Variants in GRM7 observed in about 807,000 individuals in gnomAD.
GRM7 encodes the protein metabotropic glutamate receptor 7.
Under a neutral mutation model 84.5 loss-of-function variants are expected in GRM7, and 35 were observed. The observed-to-expected ratio is 0.41, with a 90% CI of 0.32 to 0.55. The LOEUF (loss-of-function observed/expected upper bound fraction) is 0.55, where lower values mean the gene tolerates loss of function less well. GRM7 is among the 20% of genes least tolerant of loss of function. The pLI is 0.19. For synonymous variants in GRM7, 487 were observed against 455.1 expected (o/e 1.07, Z -0.89); for missense variants, 1,003 against 1,194.6 (o/e 0.84, Z 2.36).
At chr3:7,111,023 G>T (rs1692831340) in intron 1 of GRM7, among the ~76,000 whole-genome samples, 1 of 152,054 alleles carries the variant, frequency 6.6e-6, no homozygotes, top group East Asian at 1.9e-4. Flanking sequence ...GGAAAGAGCT[G>T]TGTTTCAAGT....
chr3:7,167,802 A>T lies in GRM7; in HGVS notation c.736+21134A>T, dbSNP rs1039293747. On this transcript the variant is annotated intron_variant, in intron 2 of 9. Transcript: ENST00000357716. ...GGCTAACACAGTGAAACCCCGTCTCAACTAAATATACAAAAGATTAGCTAG... is the reference window on the plus strand; with the variant it reads ...GGCTAACACAGTGAAACCCCGTCTCTACTAAATATACAAAAGATTAGCTAG... Among the ~76,000 whole-genome samples the T allele has an allele frequency of 8.7e-4, 132 of 151,772 alleles. 1 individual carries two copies. The highest frequency in any genetic ancestry group is 3.1e-3 in the African/African-American group (129 of 41,408).
intron 7 of GRM7, among the ~76,000 whole-genome samples, chr3:7,541,176 A>T (rs1692865313): frequency 6.6e-6 from 1 of 152,144 alleles, no homozygotes; most frequent in East Asian, 1.9e-4. Context: ...TTCATAGTGT[A>T]CTTTTTTTTG....
At chr3:6,994,315 A>G (rs1262930238) in intron 1 of GRM7, among the ~76,000 whole-genome samples, 1 of 152,196 alleles carries the variant, frequency 6.6e-6, no homozygotes, top group Non-Finnish European at 1.5e-5. Context: ...GGGAGGTGAC[A>G]TGGGAAGGAA....
intron 8 of GRM7, among the ~76,000 whole-genome samples, chr3:7,671,897 G>C (rs1239291102): frequency 6.6e-6 from 1 of 152,024 alleles, no homozygotes; most frequent in Non-Finnish European, 1.5e-5. Flanking sequence ...GTTTATATCA[G>C]ACATTCTAGT....
rs189734256 is a variant in GRM7, at chr3:7,321,516, C to A, written c.1033+14864C>A. On this transcript the variant is annotated intron_variant, in intron 4 of 9. Transcript: ENST00000357716. ...ATCTCTCTGCTGTGTGTTTTTTTCC[C>A]TGTTCTTATACAACAAACCACAGTA... 2.6e-5 allele frequency among the ~76,000 whole-genome samples: 4 copies of A among 151,874 alleles called. No individual in the cohort carries two copies. The East Asian group carries it at 7.7e-4, about 29-fold the overall frequency.
chr3:7,117,943 T>A (rs534116938), intron 1 of GRM7, among the ~76,000 whole-genome samples: 119 of 152,312 alleles, frequency 7.8e-4, no homozygotes, highest in African/African-American at 2.7e-3. Context: ...TTTTGGTTTA[T>A]CTTTTATCAA....
chr3:6,972,865 C>T (rs1693813456), intron 1 of GRM7, among the ~76,000 whole-genome samples: 2 of 152,178 alleles, frequency 1.3e-5, no homozygotes, highest in South Asian at 4.1e-4. Flanking sequence ...ATTAGCAAAC[C>T]ACACTCTCAC....
At chr3:6,891,288 G>A (rs1190832022) in intron 1 of GRM7, among the ~76,000 whole-genome samples, 2 of 152,120 alleles carry the variant, frequency 1.3e-5, no homozygotes, top group African/African-American at 2.4e-5. Flanking sequence ...ATATTAGCTG[G>A]TTATTTTGCT....
At chr3:7,317,156 A>G (rs568013358) in intron 4 of GRM7, among the ~76,000 whole-genome samples, 19 of 152,274 alleles carry the variant, frequency 1.2e-4, no homozygotes, top group Non-Finnish European at 2.4e-4. Flanking sequence ...TTTTTTACAT[A>G]GACTTATTGC....
intron 1 of GRM7, among the ~76,000 whole-genome samples, chr3:7,086,083 T>C (rs1338214777): frequency 6.6e-6 from 1 of 152,146 alleles, no homozygotes; most frequent in African/African-American, 2.4e-5. Flanking sequence ...GTGATACTAA[T>C]ATGTCTAATG....
At chr3:7,240,182 G>A (rs1203783126) in intron 2 of GRM7, among the ~76,000 whole-genome samples, 1 of 114,418 alleles carries the variant, frequency 8.7e-6, no homozygotes, top group Non-Finnish European at 1.6e-5. Context: ...GCAATCTGAT[G>A]GAGAAAGCAG....
At chr3:7,203,669 A>C (rs574679371) in intron 2 of GRM7, among the ~76,000 whole-genome samples, 1 of 152,204 alleles carries the variant, frequency 6.6e-6, no homozygotes, top group Non-Finnish European at 1.5e-5. Flanking sequence ...AGAAATCTGC[A>C]TACTGTTTTC....
intron 1 of GRM7, among the ~76,000 whole-genome samples, chr3:7,121,508 A>G (rs977723803): frequency 1.3e-5 from 2 of 152,194 alleles, no homozygotes; most frequent in African/African-American, 4.8e-5. Context: ...CCTATGCCCC[A>G]TTCTAATGTA....
intron 4 of GRM7, among the ~76,000 whole-genome samples, chr3:7,335,078 C>T (rs529300205): frequency 1.3e-5 from 2 of 152,246 alleles, no homozygotes; most frequent in East Asian, 1.9e-4. Flanking sequence ...CAGATATTTA[C>T]AGAACATTCT....
chr3:7,653,377 A>G (rs1224660666), intron 8 of GRM7, among the ~76,000 whole-genome samples: 2 of 152,022 alleles, frequency 1.3e-5, no homozygotes, highest in African/African-American at 4.8e-5. Context: ...TATTGTGTTC[A>G]GATGTGGTCC....
intron 2 of GRM7, among the ~76,000 whole-genome samples, chr3:7,150,925 A>G (rs1694267275): frequency 6.6e-6 from 1 of 152,188 alleles, no homozygotes; most frequent in Non-Finnish European, 1.5e-5. Context: ...GACTATTTCC[A>G]GGAAAATCTC....
At chr3:7,706,166 G>C (rs1344328911) in intron 9 of GRM7, among the ~76,000 whole-genome samples, 2 of 152,122 alleles carry the variant, frequency 1.3e-5, no homozygotes. Flanking sequence ...CCTAGACATA[G>C]AAAAAACAAG....
intron 1 of GRM7, among the ~76,000 whole-genome samples, chr3:7,032,337 A>C (rs1341210390): frequency 6.6e-6 from 1 of 152,200 alleles, no homozygotes; most frequent in Non-Finnish European, 1.5e-5. Context: ...ATTTGGTTAG[A>C]TGTGAGTAGT....
chr3:7,159,724 A>C (rs1694564583), intron 2 of GRM7, among the ~76,000 whole-genome samples: 1 of 152,164 alleles, frequency 6.6e-6, no homozygotes, highest in South Asian at 2.1e-4. Context: ...CCTCTTGAAT[A>C]GTGATGCCTA....
Sources: allele counts gnomAD v4.1 joint callset (sites outside exome capture counted in the v4.1 genomes callset), GRCh38; gene constraint gnomAD v4.1.1; transcripts MANE v1.5; gene names NCBI Gene and HGNC (gene_info 2026-07-23, HGNC 2026-07-21).